Variants in MCCC1 observed in about 807,000 individuals in gnomAD.
MCCC1 encodes the protein methylcrotonyl-CoA carboxylase subunit 1.
A neutral mutation model predicts 83.8 loss-of-function variants in MCCC1; 64 were observed. The observed-to-expected ratio is 0.76, with a 90% CI of 0.62 to 0.94. The LOEUF is 0.94. MCCC1 is among the 40% of genes least tolerant of loss of function. The pLI, the probability that MCCC1 is intolerant of heterozygous loss-of-function variation, is 0.00. For missense variants in MCCC1, 807 were observed against 904.7 expected, an observed-to-expected ratio of 0.89 and a Z score of 1.39; for synonymous variants, 322 against 315.4, an observed-to-expected ratio of 1.02 and a Z score of -0.22.
chr3:183,091,180 C>T (rs1404881729), intron 3 of MCCC1: 28 of 356,150 alleles, frequency 7.9e-5, no homozygotes, highest in South Asian at 5.7e-4. Context: ...GGCTGCTCAT[C>T]ATGAATTGAT....
At chr3:183,104,158 C>G (rs1006534510), upstream of MCCC1, among the ~76,000 whole-genome samples, 2 of 152,228 alleles carry the variant, frequency 1.3e-5, no homozygotes, top group Non-Finnish European at 2.9e-5. Flanking sequence ...CTGAGGGAGC[C>G]AGCTCCGGCC....
chr3:183,018,828 C>T (rs1160711439), intron 17 of MCCC1, among the ~76,000 whole-genome samples: 2 of 152,084 alleles, frequency 1.3e-5, no homozygotes, highest in Non-Finnish European at 2.9e-5. Flanking sequence ...TCTTCAGAGC[C>T]CTGTGTAGTA....
intron 4 of MCCC1, among the ~76,000 whole-genome samples, chr3:183,078,647 G>A (rs1717259562): frequency 6.6e-6 from 1 of 152,122 alleles, no homozygotes; most frequent in African/African-American, 2.4e-5. Context: ...GAATGTAACT[G>A]TTTCCTTAAT....
intron 3 of MCCC1, among the ~76,000 whole-genome samples, chr3:183,092,017 T>A (rs1167738722): frequency 6.8e-6 from 1 of 146,386 alleles, no homozygotes; most frequent in Non-Finnish European, 1.5e-5. Context: ...GTGCCACTGC[T>A]CTCCAGCCTG....
intron 4 of MCCC1, among the ~76,000 whole-genome samples, chr3:183,076,346 TA>T (rs1350532652): frequency 6.6e-6 from 1 of 152,196 alleles, no homozygotes; most frequent in African/African-American, 2.4e-5. Context: ...TTATTCATGT[TA>T]TGGAGTGTGT....
intron 8 of MCCC1, among the ~76,000 whole-genome samples, chr3:183,054,488 A>C (rs934053390): frequency 2.0e-5 from 3 of 152,124 alleles, no homozygotes; most frequent in African/African-American, 7.2e-5. Flanking sequence ...CGCCCGGCCT[A>C]GAAAAAATAT....
chr3:183,059,174 GCACA>G (rs1715645095), intron 7 of MCCC1, among the ~76,000 whole-genome samples: 1 of 152,116 alleles, frequency 6.6e-6, no homozygotes, highest in Non-Finnish European at 1.5e-5. Context: ...AGGTGTGGTG[GCACA>G]CACCTGTAAT....
chr3:183,066,939 TTCTC>T (rs762892799), intron 7 of MCCC1, among the ~76,000 whole-genome samples: 33 of 152,378 alleles, frequency 2.2e-4, no homozygotes, highest in South Asian at 6.2e-4. Context: ...GCATATTTGT[TTCTC>T]TCTATCTGAT....
At chr3:183,081,123 T>G (rs1399490141) in intron 4 of MCCC1, among the ~76,000 whole-genome samples, 1 of 152,220 alleles carries the variant, frequency 6.6e-6, no homozygotes, top group African/African-American at 2.4e-5. Context: ...CTTAAGAAGT[T>G]TAACTAATTT....
chr3:183,020,024 T>C (rs1577235346), intron 17 of MCCC1, 106 bp downstream of exon 17: 3 of 856,206 alleles, frequency 3.5e-6, no homozygotes, highest in East Asian at 5.1e-5. Context: ...AGTGGATGCT[T>C]TCCAATGAGC....
chr3:183,032,671 G>A (rs1180542087), intron 14 of MCCC1, among the ~76,000 whole-genome samples: 5 of 152,042 alleles, frequency 3.3e-5, no homozygotes, highest in East Asian at 1.9e-4. Context: ...TCAGGAGATC[G>A]AGACTATCCT....
At position 183,040,098 on chromosome 3, in the gene MCCC1, G is replaced by GA. The variant is rs57389038; in HGVS notation, c.1268-964dup. On this transcript the variant is annotated intron_variant, in intron 11 of 18. Coordinates refer to ENST00000265594, the MANE Select transcript of MCCC1 (RefSeq NM_020166.5). ...GCAACAAGAGTGAAACTCCATCTCA[G>GA]AAAAAAAAAAAAAAAAAAAAAAAAA... 8.3e-3 allele frequency among the ~76,000 whole-genome samples: 287 copies of GA among 34,616 alleles called. 17 individuals carry two copies. Among genetic ancestry groups the GA allele is most frequent in the African/African-American group, 0.017 (165 of 9,930 alleles). 22.7% of individuals were successfully genotyped at this position (34,616 alleles called of 152,430 possible). A position where few individuals can be genotyped will look rare whatever the true frequency, so the allele number is the denominator to read the frequency against.
intron 10 of MCCC1, among the ~76,000 whole-genome samples, chr3:183,043,269 A>G (rs1714267112): frequency 1.3e-5 from 2 of 152,194 alleles, no homozygotes; most frequent in South Asian, 4.1e-4. Flanking sequence ...CCTGGGCAAA[A>G]AGAGCAAAAC....
chr3:183,086,177 G>A (rs964411482), intron 4 of MCCC1, among the ~76,000 whole-genome samples: 3 of 152,134 alleles, frequency 2.0e-5, no homozygotes, highest in Admixed American at 2.0e-4. Context: ...GAATGACACA[G>A]CCCCTTACTG....
At chr3:183,033,068 T>A (rs1423224938) in intron 14 of MCCC1, among the ~76,000 whole-genome samples, 1 of 152,204 alleles carries the variant, frequency 6.6e-6, no homozygotes, top group Admixed American at 6.5e-5. Flanking sequence ...GCCAGGATTC[T>A]GAGCTCTGAC....
upstream of MCCC1, among the ~76,000 whole-genome samples, chr3:183,101,841 A>G (rs1361884872): frequency 1.3e-5 from 2 of 152,102 alleles, no homozygotes; most frequent in Non-Finnish European, 2.9e-5. Context: ...TCCTGAGCCC[A>G]GCGAGACCAC....
chr3:183,045,278 C>T, intron 10 of MCCC1, 135 bp downstream of exon 10: 16 of 987,882 alleles, frequency 1.6e-5, no homozygotes, highest in Non-Finnish European at 2.3e-5. Context: ...CAGGGTTTCA[C>T]CACATTGGCC....
chr3:183,076,063 T>A (rs891983726), intron 4 of MCCC1, among the ~76,000 whole-genome samples: 4 of 152,236 alleles, frequency 2.6e-5, no homozygotes, highest in East Asian at 3.8e-4. Context: ...ATATGATTTA[T>A]AATACATAAT....
chr3:183,066,495 G>A (rs953947823), intron 7 of MCCC1, among the ~76,000 whole-genome samples: 1 of 152,088 alleles, frequency 6.6e-6, no homozygotes, highest in African/African-American at 2.4e-5. Flanking sequence ...ATTACAGACA[G>A]GGTTTCACCA....
Sources: gnomAD v4.1 joint callset for allele counts (sites outside exome capture counted in the v4.1 genomes callset) on GRCh38, gnomAD v4.1.1 for gene constraint, MANE v1.5 for transcripts, NCBI Gene and HGNC (gene_info 2026-07-23, HGNC 2026-07-21) for gene names.